TSC22D1: variants seen among roughly 807,000 people sequenced by gnomAD.
TSC22D1 encodes the protein TSC22 domain family member 1, also known as TSC22 domain family protein 1.
In TSC22D1, 9 loss-of-function variants were observed where a neutral mutation model predicts 74.2. The observed-to-expected ratio is 0.12, with a 90% CI of 0.07 to 0.21. The LOEUF (loss-of-function observed/expected upper bound fraction) is 0.21. Among genes scored for constraint, TSC22D1 ranks in the 10% least tolerant of loss-of-function variants. TSC22D1 has a pLI of 1.00. For missense variants in TSC22D1, 1,427 were observed against 1,304.7 expected (o/e 1.09, Z -1.44); for synonymous variants, 586 against 492.5 (o/e 1.19, Z -2.51).
rs1212626196 is a variant in TSC22D1 at position 44,433,894 on chromosome 13, T to C, written c.*732A>G. 24 of 1,311,706 alleles carry C rather than the reference T, an allele frequency of 1.8e-5. No homozygotes were observed. Among genetic ancestry groups the C allele is most frequent in the South Asian group, 2.9e-5 (2 of 68,304 alleles). 81.3% of individuals were successfully genotyped at this position (1,311,706 alleles called of 1,614,324 possible). On this transcript the variant is annotated 3_prime_UTR_variant, in exon 3 of 3. Coordinates refer to ENST00000458659, the MANE Select transcript of TSC22D1 (RefSeq NM_183422.4). ...AGTCCACACCTCCTCAGACAGCCAA[T>C]GAAACAACTAAATTTCAATCTGTAC...
intron 1 of TSC22D1, chr13:44,536,775 G>T: frequency 1.0e-6 from 1 of 984,430 alleles, no homozygotes; most frequent in Non-Finnish European, 1.2e-6. Flanking sequence ...TACAAAAATT[G>T]CATCTAAAAA....
intron 1 of TSC22D1, among the ~76,000 whole-genome samples, chr13:44,476,613 T>C (rs1272304503): frequency 6.6e-6 from 1 of 152,198 alleles, no homozygotes. Context: ...AAAGGGAAAT[T>C]TTATGATGGC....
intron 1 of TSC22D1, among the ~76,000 whole-genome samples, chr13:44,488,120 C>T (rs1279122682): frequency 6.6e-6 from 1 of 152,168 alleles, no homozygotes; most frequent in African/African-American, 2.4e-5. Flanking sequence ...CTACAGAACA[C>T]ATCCTTCTTA....
At chr13:44,551,223 A>C (rs953045656) in intron 1 of TSC22D1, among the ~76,000 whole-genome samples, 4 of 150,218 alleles carry the variant, frequency 2.7e-5, no homozygotes, top group Non-Finnish European at 5.9e-5. Flanking sequence ...GTGATCCAAG[A>C]TCTCACCACT....
At chr13:44,505,424 C>T (rs1052936879) in intron 1 of TSC22D1, among the ~76,000 whole-genome samples, 3 of 151,972 alleles carry the variant, frequency 2.0e-5, no homozygotes, top group East Asian at 3.9e-4. Context: ...CGTGGTGGTG[C>T]GTGTCTATGA....
At chr13:44,538,846 C>T in intron 1 of TSC22D1, 2 of 985,372 alleles carry the variant, frequency 2.0e-6, no homozygotes, top group Non-Finnish European at 2.4e-6. Context: ...TAGAAGAATT[C>T]CTTTTGCTGA....
At chr13:44,474,193 A>G (rs1323805136) in intron 1 of TSC22D1, 36 of 969,762 alleles carry the variant, frequency 3.7e-5, no homozygotes, top group Non-Finnish European at 4.4e-5. Context: ...TTCCACAATT[A>G]TTTGAATTAC....
intron 1 of TSC22D1, among the ~76,000 whole-genome samples, chr13:44,438,819 T>G (rs929586373): frequency 6.6e-6 from 1 of 152,168 alleles, no homozygotes; most frequent in Non-Finnish European, 1.5e-5. Flanking sequence ...ATTTACTACA[T>G]GATAGTCTCT....
At chr13:44,527,186 GTTC>G (rs1880587885) in intron 1 of TSC22D1, among the ~76,000 whole-genome samples, 1 of 151,906 alleles carries the variant, frequency 6.6e-6, no homozygotes, top group Non-Finnish European at 1.5e-5. Flanking sequence ...AATGTTAAAA[GTTC>G]TTCTGAAAGA....
chr13:44,539,522 A>G (rs1881341714), intron 1 of TSC22D1: 2 of 985,298 alleles, frequency 2.0e-6, no homozygotes, highest in East Asian at 1.1e-4. Context: ...ATTCCTGTGG[A>G]CTACATAGGC....
At chr13:44,436,776 T>G in intron 1 of TSC22D1, 1 of 1,464,194 alleles carries the variant, frequency 6.8e-7, no homozygotes, top group Non-Finnish European at 9.0e-7. Context: ...TTCTAGGGCT[T>G]GATGATCCCA....
At chr13:44,548,036 T>C (rs1197918640) in intron 1 of TSC22D1, among the ~76,000 whole-genome samples, 3 of 152,230 alleles carry the variant, frequency 2.0e-5, no homozygotes, top group Admixed American at 6.5e-5. Context: ...GGAATATTAT[T>C]ATCACAACTT....
chr13:44,503,511 T>C, intron 1 of TSC22D1, among the ~76,000 whole-genome samples: 1 of 152,138 alleles, frequency 6.6e-6, no homozygotes, highest in East Asian at 1.9e-4. Flanking sequence ...CAAATTTTCA[T>C]ATTGTTGCCA....
At chr13:44,446,791 GAGGAGGAGGAAA>G (rs757044831) in intron 1 of TSC22D1, among the ~76,000 whole-genome samples, 15,306 of 75,502 alleles carry the variant, frequency 0.2, 881 homozygotes, top group Non-Finnish European at 0.22. Context: ...AGAAGAGGAG[GAGGAGGAGGAAA>G]AGGAGGAGGA....
chr13:44,478,303 T>C (rs1342858015), intron 1 of TSC22D1, among the ~76,000 whole-genome samples: 4 of 152,282 alleles, frequency 2.6e-5, no homozygotes, highest in Admixed American at 1.3e-4. Flanking sequence ...ATATTACTAA[T>C]ATTGAACTCC....
At chr13:44,495,502 G>A (rs1450114398) in intron 1 of TSC22D1, among the ~76,000 whole-genome samples, 1 of 152,132 alleles carries the variant, frequency 6.6e-6, no homozygotes, top group Non-Finnish European at 1.5e-5. Flanking sequence ...TAACTGTATA[G>A]ATAAATATGA....
chr13:44,499,985 G>T (rs1235245043), intron 1 of TSC22D1, among the ~76,000 whole-genome samples: 1 of 151,830 alleles, frequency 6.6e-6, no homozygotes, highest in Non-Finnish European at 1.5e-5. Flanking sequence ...TACTTGGGAG[G>T]CTGAGGCAGG....
chr13:44,550,093 T>C (rs1456504818), intron 1 of TSC22D1, among the ~76,000 whole-genome samples: 1 of 152,074 alleles, frequency 6.6e-6, no homozygotes, highest in Non-Finnish European at 1.5e-5. Context: ...AATGAAAAGG[T>C]ATTAAGAAAG....
At chr13:44,571,327 A>G (rs1012474428) in intron 1 of TSC22D1, among the ~76,000 whole-genome samples, 2 of 152,172 alleles carry the variant, frequency 1.3e-5, no homozygotes, top group African/African-American at 4.8e-5. Flanking sequence ...TTAATTTTAT[A>G]TTAATATCTT....
Sources: allele counts gnomAD v4.1 joint callset (sites outside exome capture counted in the v4.1 genomes callset), GRCh38; gene constraint gnomAD v4.1.1; transcripts MANE v1.5; gene names NCBI Gene and HGNC (gene_info 2026-07-23, HGNC 2026-07-21).